The following NSF variants were observed in gnomAD, a reference collection of about 807,000 sequenced individuals.
The protein encoded by NSF is N-ethylmaleimide sensitive factor, vesicle fusing ATPase, also known as vesicle-fusing ATPase.
A neutral mutation model predicts 50.3 loss-of-function variants in NSF; 14 were observed. The observed-to-expected ratio is 0.28, with a 90% confidence interval of 0.18 to 0.44. The LOEUF is 0.44. NSF is among the 20% of genes least tolerant of loss of function. NSF has a pLI of 1.00. For missense variants in NSF, 218 were observed against 504.3 expected (o/e 0.43, Z 5.44); for synonymous variants, 109 against 175.7 (o/e 0.62, Z 3.00).
At chr17:46,742,795 A>G in intron 17 of NSF, among the ~76,000 whole-genome samples, 2 of 152,204 alleles carry the variant, frequency 1.3e-5, no homozygotes, top group East Asian at 3.8e-4. Flanking sequence ...CGGGGAGTTG[A>G]CAGGCTAGAA....
chr17:46,716,293 G>A (rs1407155165), intron 15 of NSF, among the ~76,000 whole-genome samples: 1 of 141,570 alleles, frequency 7.1e-6, no homozygotes, highest in African/African-American at 2.6e-5. Flanking sequence ...GTCTTGCTCT[G>A]TCGCCCAGGC....
At chr17:46,729,452 G>A (rs2058926748) in intron 17 of NSF, among the ~76,000 whole-genome samples, 1 of 152,130 alleles carries the variant, frequency 6.6e-6, no homozygotes, top group South Asian at 2.1e-4. Context: ...CCAGGATCTT[G>A]ATTCCTGTGT....
intron 1 of NSF, among the ~76,000 whole-genome samples, chr17:46,598,723 G>A (rs1374479393): frequency 6.6e-6 from 1 of 152,160 alleles, no homozygotes; most frequent in Non-Finnish European, 1.5e-5. Context: ...TAGAAACCTA[G>A]TCATTTATAA....
At chr17:46,711,696 T>C (rs961957736) in intron 14 of NSF, among the ~76,000 whole-genome samples, 1 of 152,260 alleles carries the variant, frequency 6.6e-6, no homozygotes, top group South Asian at 2.1e-4. Flanking sequence ...AATTTACAGT[T>C]ATAATTAGTA....
intron 1 of NSF, among the ~76,000 whole-genome samples, chr17:46,599,977 A>G (rs1598634575): frequency 1.3e-5 from 1 of 76,762 alleles, no homozygotes; most frequent in Non-Finnish European, 2.4e-5. Flanking sequence ...TTTTTTTTAG[A>G]GGCTGAGTCT....
chr17:46,750,699 T>C (rs1275068431), intron 18 of NSF, among the ~76,000 whole-genome samples: 2 of 152,208 alleles, frequency 1.3e-5, no homozygotes, highest in African/African-American at 4.8e-5. Context: ...GTGATGTATA[T>C]AGATTACTTG....
At chr17:46,748,646 C>T (rs1027216004) in intron 17 of NSF, among the ~76,000 whole-genome samples, 16 of 152,116 alleles carry the variant, frequency 1.1e-4, no homozygotes, top group Admixed American at 3.3e-4. Context: ...ACAGCTGTGC[C>T]CCAGGCCTAG....
chr17:46,708,306 A>T (rs2058676603), intron 13 of NSF, among the ~76,000 whole-genome samples: 1 of 152,010 alleles, frequency 6.6e-6, no homozygotes, highest in Admixed American at 6.6e-5. Flanking sequence ...TTACATTCCC[A>T]CCAGTGGTGC....
chr17:46,751,479 G>T lies in NSF; in HGVS notation c.2044-24G>T, dbSNP rs76289190. ...GATGTGTTCACTGTAAAAGTGCTTT[G>T]ATTATTGTTTATTGTTTTTGTAGCT... is the stretch of plus-strand genomic sequence containing the variant. On this transcript the variant is annotated intron_variant, in intron 18 of 20. Coordinates refer to ENST00000398238, the MANE Select transcript of NSF (RefSeq NM_006178.4). 11,589 of 1,566,500 alleles carry T rather than the reference G, an allele frequency of 7.4e-3. 661 individuals carry two copies. In the African/African-American group the frequency reaches 0.13, roughly 18 times the overall value.
intron 13 of NSF, 42 bp downstream of exon 13, chr17:46,704,896 G>C: frequency 6.4e-7 from 1 of 1,565,868 alleles, no homozygotes; most frequent in Middle Eastern, 1.7e-4. Context: ...AAAAAGTAAT[G>C]ATAATAATAA....
intron 8 of NSF, among the ~76,000 whole-genome samples, chr17:46,666,036 G>A (rs1265391168): frequency 1.4e-5 from 2 of 147,460 alleles, no homozygotes; most frequent in African/African-American, 4.9e-5. Flanking sequence ...GGTGAATGCC[G>A]GCAGAGCAGG....
chr17:46,605,372 T>C (rs1483682041), intron 1 of NSF, among the ~76,000 whole-genome samples: 2,548 of 112,968 alleles, frequency 0.023, 3 homozygotes, highest in African/African-American at 0.084. Context: ...TGCTTGAACC[T>C]GGGAGGTGGA....
chr17:46,733,997 GA>G (rs530061189), intron 17 of NSF, among the ~76,000 whole-genome samples: 169 of 152,302 alleles, frequency 1.1e-3, no homozygotes, highest in Non-Finnish European at 2.0e-3. Flanking sequence ...TCAGGATGGG[GA>G]CTTGGGTAGA....
rs1270347205 is a variant in NSF, at chr17:46,726,544, T to G, written c.1762-5T>G. On this transcript the variant is annotated splice_region_variant and splice_polypyrimidine_tract_variant and intron_variant, in intron 15 of 20. Transcript: ENST00000398238. The stretch of plus-strand genomic sequence containing the variant: ...GAGATAATAAATGACTTTGTTTTCT[T>G]TCAGATCTTTGATGATGCGTACAAA... 6.2e-7 allele frequency: 1 copy of G among 1,613,844 alleles called. No individual in the cohort carries two copies. The highest frequency in any genetic ancestry group is 1.7e-5 in the Admixed American group (1 of 60,026).
intron 17 of NSF, among the ~76,000 whole-genome samples, chr17:46,737,930 TA>T: frequency 6.8e-6 from 1 of 146,668 alleles, no homozygotes; most frequent in Non-Finnish European, 1.5e-5. Flanking sequence ...TTATTATTAT[TA>T]TTATTATTAT....
intron 17 of NSF, among the ~76,000 whole-genome samples, chr17:46,731,502 T>C (rs1185298706): frequency 6.6e-6 from 1 of 152,166 alleles, no homozygotes. Flanking sequence ...GTGAACCATA[T>C]CTCAAGCGAT....
intron 17 of NSF, among the ~76,000 whole-genome samples, chr17:46,737,572 CGTGT>C (rs10564190): frequency 0.36 from 52,989 of 147,082 alleles, 11,863 homozygotes; most frequent in South Asian, 0.56. Flanking sequence ...GGTGTGTGTG[CGTGT>C]GTGTGTGTGT....
intron 17 of NSF, among the ~76,000 whole-genome samples, chr17:46,731,357 T>G (rs1383845282): frequency 6.6e-6 from 1 of 151,852 alleles, no homozygotes; most frequent in Non-Finnish European, 1.5e-5. Flanking sequence ...AGTGAGAGGG[T>G]CACTGCTAAT....
chr17:46,754,350 G>GA (rs931493613), intron 19 of NSF, among the ~76,000 whole-genome samples: 39 of 150,894 alleles, frequency 2.6e-4, no homozygotes, highest in African/African-American at 6.6e-4. Context: ...AGAAAGAAAA[G>GA]AAAAAAAAAT....
Sources: gnomAD v4.1 joint callset for allele counts (sites outside exome capture counted in the v4.1 genomes callset) on GRCh38, gnomAD v4.1.1 for gene constraint, MANE v1.5 for transcripts, NCBI Gene and HGNC (gene_info 2026-07-23, HGNC 2026-07-21) for gene names.